The following MAP3K5 variants were observed in gnomAD, a reference collection of about 807,000 sequenced individuals.
The protein encoded by MAP3K5 is mitogen-activated protein kinase kinase kinase 5.
In MAP3K5, 56 loss-of-function variants were observed where a neutral mutation model predicts 158.7. That is an observed-to-expected ratio of 0.35 (90% CI 0.28 to 0.44). MAP3K5 has a LOEUF of 0.44. MAP3K5 is among the 20% of genes least tolerant of loss of function. The pLI is 1.00. For missense variants in MAP3K5, 1,294 were observed against 1,674.8 expected (o/e 0.77, Z 3.97); for synonymous variants, 579 against 601.7 (o/e 0.96, Z 0.55).
At chr6:136,700,369 G>C (rs1401233170) in intron 3 of MAP3K5, among the ~76,000 whole-genome samples, 1 of 152,102 alleles carries the variant, frequency 6.6e-6, no homozygotes, top group East Asian at 1.9e-4. Context: ...GAAGGAATCA[G>C]CTGGATCTGG....
chr6:136,651,030 A>C lies in MAP3K5; in HGVS notation c.1742T>G (p.Val581Gly), dbSNP rs766734935. Residue 581 changes from valine (V) to glycine (G), a missense_variant, in exon 11 of 30, where the codon GTT (valine) becomes GGT (glycine). Physicochemically the swap from Val to Gly is moderately radical, Grantham distance 109 (BLOSUM62 -3). Around this residue, in one of 5 missense-constraint regions of MAP3K5, gnomAD observed 690 missense variants for 870.5 expected, o/e 0.79. Coordinates refer to ENST00000359015, the MANE Select transcript of MAP3K5 (RefSeq NM_005923.4). Reference protein sequence around the residue: ...QPSYLSINNEVEEKTISIWHV... With the variant: ...QPSYLSINNEGEEKTISIWHV... The stretch of plus-strand genomic sequence containing the variant: ...CCAAATAGAGATTGTCTTTTCCTCA[A>C]CTTCATTGTTGATAGACAAATAAGA... 12 of 1,611,988 alleles carry C rather than the reference A, an allele frequency of 7.4e-6. No individual in the cohort carries two copies. The Admixed American group carries it at 8.3e-5, about 11-fold the overall frequency.
chr6:136,765,490 TA>T (rs1783923845), intron 1 of MAP3K5, among the ~76,000 whole-genome samples: 1 of 151,506 alleles, frequency 6.6e-6, no homozygotes, highest in South Asian at 2.1e-4. Context: ...ATTTATTTTT[TA>T]TTTGTTTATT....
intron 7 of MAP3K5, among the ~76,000 whole-genome samples, chr6:136,680,548 G>T (rs770261164): frequency 5.3e-5 from 8 of 152,082 alleles, no homozygotes; most frequent in Non-Finnish European, 1.2e-4. Flanking sequence ...GACAGAACTG[G>T]ATCAAAGAAC....
chr6:136,651,334 AATAAATTTTTGAAGTCCATAC>A (rs998498841), intron 10 of MAP3K5, among the ~76,000 whole-genome samples: 2 of 152,226 alleles, frequency 1.3e-5, no homozygotes, highest in Non-Finnish European at 2.9e-5. Flanking sequence ...TAAGGTTAGA[AATAAATTTTTGAAGTCCATAC>A]ATGGGTTCAG....
intron 1 of MAP3K5, among the ~76,000 whole-genome samples, chr6:136,735,661 C>T (rs541385030): frequency 1.3e-5 from 2 of 152,118 alleles, no homozygotes; most frequent in South Asian, 4.2e-4. Context: ...CAGACCCCAT[C>T]TCTATAAAAA....
Position 136,659,244 on chromosome 6 carries a change from G to C in MAP3K5, c.1501C>G (p.Leu501Val), listed in dbSNP as rs1356304112. 1 of 1,614,054 alleles carries C rather than the reference G, an allele frequency of 6.2e-7. No individual in the cohort carries two copies. Among genetic ancestry groups the C allele is most frequent in the Non-Finnish European group, 8.5e-7 (1 of 1,179,994 alleles). Residue 501 changes from leucine to valine, a missense_variant, in exon 9 of 30, where the codon CTT becomes GTT. Transcript: ENST00000359015. ...CATGCTGGTGTCTTCAGTTTAAAAA[G>C]CTTTTCAGATGCTTGAATGACTCTC... ...HMRVIQASEK[L>V]FKLKTPAWYL...
At chr6:136,770,793 C>T (rs527984986) in intron 1 of MAP3K5, among the ~76,000 whole-genome samples, 5 of 151,798 alleles carry the variant, frequency 3.3e-5, no homozygotes, top group African/African-American at 7.3e-5. Flanking sequence ...GAATACTTCT[C>T]GGATATATGT....
At chr6:136,615,908 A>C (rs1250133111) in intron 15 of MAP3K5, among the ~76,000 whole-genome samples, 1 of 152,186 alleles carries the variant, frequency 6.6e-6, no homozygotes, top group Non-Finnish European at 1.5e-5. Context: ...TAAGCTTTTT[A>C]GAGTAAGTGC....
At chr6:136,756,184 G>A (rs1237152805) in intron 1 of MAP3K5, among the ~76,000 whole-genome samples, 2 of 151,828 alleles carry the variant, frequency 1.3e-5, no homozygotes, top group African/African-American at 4.8e-5. Flanking sequence ...CAGGCATGGT[G>A]GTGCATGCCT....
In MAP3K5 at chr6:136,572,004, G is replaced by C. The variant is rs567608788; in HGVS notation, c.3518-4130C>G. Reference sequence around the variant, plus strand: ...TCTTAATTTATTGATAGTACGGTAGGAGTAAGTCAAAATCATGTGTTTTAC... The same window carrying C: ...TCTTAATTTATTGATAGTACGGTAGCAGTAAGTCAAAATCATGTGTTTTAC... On this transcript the variant is annotated intron_variant, in intron 25 of 29. Coordinates refer to ENST00000359015, the MANE Select transcript of MAP3K5 (RefSeq NM_005923.4). Among the ~76,000 whole-genome samples the C allele has an allele frequency of 8.9e-4, 136 of 152,256 alleles. 2 individuals are homozygous for C. The South Asian group carries it at 1.0e-2, about 11-fold the overall frequency.
At chr6:136,626,745 C>T (rs1263275622) in intron 14 of MAP3K5, among the ~76,000 whole-genome samples, 1 of 152,034 alleles carries the variant, frequency 6.6e-6, no homozygotes, top group Non-Finnish European at 1.5e-5. Flanking sequence ...AGTACCACCA[C>T]CATTTTACAC....
Position 136,754,280 on chromosome 6 carries a change from A to C in MAP3K5, c.449-33691T>G, listed in dbSNP as rs547593704. On this transcript the variant is annotated intron_variant, in intron 1 of 29. Transcript: ENST00000359015. ...AGAGCAAGACTCGATAAAAAAAAAA[A>C]AGAAAAGAAAATCCCAGGCTGGGTG... 8.6e-5 allele frequency among the ~76,000 whole-genome samples: 13 copies of C among 151,666 alleles called. No individual in the cohort carries two copies. The South Asian group carries it at 1.3e-3, about 15-fold the overall frequency.
chr6:136,637,988 T>C (rs1336912250), intron 13 of MAP3K5, among the ~76,000 whole-genome samples: 1 of 152,150 alleles, frequency 6.6e-6, no homozygotes, highest in Admixed American at 6.5e-5. Flanking sequence ...GTTCTGGCCA[T>C]TGAGAGCATG....
At position 136,775,370 on chromosome 6, in the gene MAP3K5, T is replaced by C. The variant is rs546582509; in HGVS notation, c.448+16340A>G. Among the ~76,000 whole-genome samples, 34 of 152,332 alleles carry C rather than the reference T, an allele frequency of 2.2e-4. No individual in the cohort carries two copies. The South Asian group carries it at 7.0e-3, about 32-fold the overall frequency. On this transcript the variant is annotated intron_variant, in intron 1 of 29. Coordinates refer to ENST00000359015, the MANE Select transcript of MAP3K5 (RefSeq NM_005923.4). ...GAAAAAATAATTCTCATAGACTAAA[T>C]ATTAAGTCATTAGAAGCTTGTAACC... is the stretch of plus-strand genomic sequence containing the variant.
chr6:136,716,788 G>C (rs1781548442), intron 2 of MAP3K5, among the ~76,000 whole-genome samples: 1 of 152,146 alleles, frequency 6.6e-6, no homozygotes, highest in African/African-American at 2.4e-5. Flanking sequence ...ATAAACATTA[G>C]TAGGCACGAG....
chr6:136,783,533 C>T (rs545987641), intron 1 of MAP3K5, among the ~76,000 whole-genome samples: 2 of 152,296 alleles, frequency 1.3e-5, no homozygotes, highest in South Asian at 2.1e-4. Flanking sequence ...TTCCCAGTTT[C>T]TTCTGATAAC....
In MAP3K5 at chr6:136,613,389, G is replaced by T; in HGVS notation, c.2279-133C>A. ...TGGCCCAGGAGCTATACTGGATATCGGGCTCAAACATGAATTTGCAAATAT... is the reference window on the plus strand; with the variant it reads ...TGGCCCAGGAGCTATACTGGATATCTGGCTCAAACATGAATTTGCAAATAT... On this transcript the variant is annotated intron_variant, in intron 16 of 29. Coordinates refer to ENST00000359015, the MANE Select transcript of MAP3K5 (RefSeq NM_005923.4). The surrounding 1 kb of genome is among the most constrained non-coding windows in gnomAD (Gnocchi z 4.0). The T allele has an allele frequency of 1.5e-6, 1 of 648,550 alleles. No homozygotes were observed. The highest frequency in any genetic ancestry group is 2.4e-6 in the Non-Finnish European group (1 of 419,792). The allele number at this position is 648,550 out of a possible 1,614,324, so 40.2% of individuals were successfully genotyped here.
intron 25 of MAP3K5, among the ~76,000 whole-genome samples, chr6:136,575,989 C>A (rs888364438): frequency 1.3e-5 from 2 of 152,168 alleles, no homozygotes; most frequent in Non-Finnish European, 2.9e-5. Flanking sequence ...TCCTTGCCTG[C>A]AATAATTATT....
intron 7 of MAP3K5, among the ~76,000 whole-genome samples, chr6:136,674,685 CA>C (rs1478797970): frequency 1.3e-5 from 2 of 151,710 alleles, no homozygotes; most frequent in South Asian, 2.1e-4. Flanking sequence ...ACAATAACAG[CA>C]AAAAATGCAA....
Sources: allele counts gnomAD v4.1 joint callset (sites outside exome capture counted in the v4.1 genomes callset), GRCh38; gene constraint gnomAD v4.1.1; regional missense constraint gnomAD v4.1.1; non-coding constraint Gnocchi (gnomAD v3.1); transcripts MANE v1.5; gene names NCBI Gene and HGNC (gene_info 2026-07-23, HGNC 2026-07-21).